Variants in MIGA2 observed in about 807,000 individuals in gnomAD.
MIGA2 encodes mitoguardin 2.
MIGA2 carries 36 observed loss-of-function variants against 69.9 expected under a neutral mutation model. The observed-to-expected ratio is 0.52, with a 90% CI of 0.39 to 0.68. The LOEUF is 0.68. Ranked by LOEUF, MIGA2 falls within the 30% of genes least tolerant of loss-of-function variation. The pLI, the probability that MIGA2 is intolerant of heterozygous loss-of-function variation, is 0.00. For missense variants in MIGA2, 660 were observed against 787.7 expected (o/e 0.84, Z 1.94); for synonymous variants, 333 against 349.2 (o/e 0.95, Z 0.52).
intron 3 of MIGA2, among the ~76,000 whole-genome samples, chr9:129,048,189 G>C (rs1188599422): frequency 6.6e-6 from 1 of 152,172 alleles, no homozygotes; most frequent in Non-Finnish European, 1.5e-5. Flanking sequence ...TCCTCTCCTC[G>C]GCCTGGCCCT....
chr9:129,049,001 C>T (rs17485828), intron 4 of MIGA2, among the ~76,000 whole-genome samples: 6,814 of 152,168 alleles, frequency 0.045, 272 homozygotes, highest in African/African-American at 0.11. Flanking sequence ...GGCTGCCAGC[C>T]ACTCGTGTGG....
Position 129,048,804 on chromosome 9 carries a change from C to A in MIGA2, c.420+265C>A, listed in dbSNP as rs150674083. On this transcript the variant is annotated intron_variant, in intron 4 of 15. Transcript: ENST00000684074. Reference sequence around the variant, plus strand: ...GTGAAAGTGCAGGTTATTCATTCATCAGCCACTGACAAGCACCTGCGTTAT... The same window carrying A: ...GTGAAAGTGCAGGTTATTCATTCATAAGCCACTGACAAGCACCTGCGTTAT... Among the ~76,000 whole-genome samples the A allele has an allele frequency of 6.8e-4, 103 of 152,310 alleles. 1 individual carries two copies. Among genetic ancestry groups the A allele is most frequent in the African/African-American group, 2.3e-3 (97 of 41,568 alleles).
intron 3 of MIGA2, among the ~76,000 whole-genome samples, chr9:129,047,988 C>A (rs913481739): frequency 1.3e-5 from 2 of 152,190 alleles, no homozygotes; most frequent in Non-Finnish European, 2.9e-5. Context: ...ATCTCGGCCT[C>A]CCAAAGTGCT....
chr9:129,070,546 C>A lies in MIGA2; in HGVS notation c.*93C>A, dbSNP rs1846626227. On this transcript the variant is annotated 3_prime_UTR_variant, in exon 16 of 16. Coordinates refer to ENST00000684074, the MANE Select transcript of MIGA2 (RefSeq NM_001329990.2). ...GCTGTGGTGGCTGAGGGCCGTTGCC[C>A]CTGACTTTGCCCCACCCCCATCATC... The A allele has an allele frequency of 7.4e-7, 1 of 1,351,064 alleles. No individual in the cohort carries two copies. The highest frequency in any genetic ancestry group is 2.5e-5 in the East Asian group (1 of 39,558). 83.7% of individuals were successfully genotyped at this position (1,351,064 alleles called of 1,614,324 possible). A position where few individuals can be genotyped will look rare whatever the true frequency, so the allele number is the denominator to read the frequency against.
At chr9:129,066,623 A>C (rs192224863) in intron 11 of MIGA2, among the ~76,000 whole-genome samples, 222 of 131,324 alleles carry the variant, frequency 1.7e-3, no homozygotes, top group Non-Finnish European at 2.1e-3. Context: ...GCAGTGAGCC[A>C]AGATCACGCC....
intron 3 of MIGA2, among the ~76,000 whole-genome samples, chr9:129,047,683 G>A (rs1403127593): frequency 6.6e-6 from 1 of 151,842 alleles, no homozygotes; most frequent in Non-Finnish European, 1.5e-5. Flanking sequence ...AAAGTGCTAG[G>A]ATTACAGACA....
rs1846021588 is a variant in MIGA2, at chr9:129,060,657, CG to C, written c.894+11del. The C allele has an allele frequency of 6.4e-7, 1 of 1,574,302 alleles. No homozygotes were observed. Among genetic ancestry groups the C allele is most frequent in the Admixed American group, 1.8e-5 (1 of 54,636 alleles). ...CTTCTTCTCCGCCACCGAGGTGACT[CG>C]GGGTGGGGACCAAGCCTGGGGTGGG... On this transcript the variant is annotated splice_region_variant and intron_variant, in intron 8 of 15. Coordinates refer to ENST00000684074, the MANE Select transcript of MIGA2 (RefSeq NM_001329990.2). The surrounding 1 kb of genome is among the most constrained non-coding windows in gnomAD (Gnocchi z 4.8).
intron 9 of MIGA2, among the ~76,000 whole-genome samples, chr9:129,062,843 A>G (rs907083355): frequency 2.9e-5 from 4 of 138,850 alleles, no homozygotes; most frequent in Non-Finnish European, 6.2e-5. Context: ...GACTCCGTCT[A>G]AAAAAAAAAA....
At position 129,068,511 on chromosome 9, in the gene MIGA2, T is replaced by G; in HGVS notation, c.1404+179T>G. ...TGGAGAAGCCTCCAGGGTGCCCCGT[T>G]GCTGCCTGGTGCCCCAGTTTAGAAC... On this transcript the variant is annotated intron_variant, in intron 13 of 15. Coordinates refer to ENST00000684074, the MANE Select transcript of MIGA2 (RefSeq NM_001329990.2). This position sits in a 1 kb window ranked among gnomAD's most constrained non-coding sequence, Gnocchi z 4.1. The G allele has an allele frequency of 1.4e-6, 1 of 712,416 alleles. No homozygotes were observed. The highest frequency in any genetic ancestry group is 2.3e-6 in the Non-Finnish European group (1 of 442,060). 44.1% of individuals were successfully genotyped at this position (712,416 alleles called of 1,614,324 possible). A position where few individuals can be genotyped will look rare whatever the true frequency, so the allele number is the denominator to read the frequency against.
rs760802619 is a variant in MIGA2 at position 129,061,173 on chromosome 9, G to A, written c.895-58G>A. 134 of 1,464,278 alleles carry A rather than the reference G, an allele frequency of 9.2e-5. 1 individual carries two copies. The highest frequency in any genetic ancestry group is 1.1e-4 in the Non-Finnish European group (118 of 1,064,088). 90.7% of individuals were successfully genotyped at this position (1,464,278 alleles called of 1,614,324 possible). A position where few individuals can be genotyped will look rare whatever the true frequency, so the allele number is the denominator to read the frequency against. ...CCGACCAATGGGCAGGTGCCCTTGC[G>A]CCGTGGCGTGCTGCTCACATGGGCT... On this transcript the variant is annotated intron_variant, in intron 8 of 15. Coordinates refer to ENST00000684074, the MANE Select transcript of MIGA2 (RefSeq NM_001329990.2). The surrounding 1 kb of genome is among the most constrained non-coding windows in gnomAD (Gnocchi z 5.0).
chr9:129,063,217 GT>G (rs1238673458), intron 9 of MIGA2, 26 bp from the exon 10 acceptor site: 1 of 1,613,490 alleles, frequency 6.2e-7, no homozygotes, highest in Admixed American at 1.7e-5. Context: ...GGACCAGGTT[GT>G]GTGACGCCGT....
At chr9:129,054,922 C>T (rs769906034) in intron 6 of MIGA2, among the ~76,000 whole-genome samples, 35 of 152,148 alleles carry the variant, frequency 2.3e-4, no homozygotes, top group East Asian at 3.8e-4. Context: ...GACGGAGTCT[C>T]GCTCTGTCGC....
At chr9:129,056,129 G>GAA (rs76491749) in intron 6 of MIGA2, among the ~76,000 whole-genome samples, 74 of 77,368 alleles carry the variant, frequency 9.6e-4, no homozygotes, top group Admixed American at 8.1e-4. Flanking sequence ...CCTGTCTCAA[G>GAA]AAAAAAAAAA....
At position 129,059,271 on chromosome 9, in the gene MIGA2, G is replaced by A. The variant is rs768958718; in HGVS notation, c.793G>A (p.Glu265Lys). The A allele has an allele frequency of 2.1e-5, 33 of 1,569,008 alleles. No individual in the cohort carries two copies. The highest frequency in any genetic ancestry group is 2.0e-4 in the South Asian group (17 of 86,308). The change falls in exon 7 of 16, where the codon GAG (glutamate) becomes AAG (lysine). Residue 265 changes from glutamate (E) to lysine (K), a missense_variant and splice_region_variant. Physicochemically the swap from Glu to Lys is moderately conservative, Grantham distance 56. This residue lies in a region of MIGA2 where 386 missense variants were observed against 402.0 expected (regional missense o/e 0.96). Coordinates refer to ENST00000684074, the MANE Select transcript of MIGA2 (RefSeq NM_001329990.2). The surrounding 1 kb of genome is among the most constrained non-coding windows in gnomAD (Gnocchi z 5.6). Reference sequence around the variant, plus strand: ...CGCAGACAGCATGCTGCTAGACCTCGGTGAGCTGGGCCCAGTGCAGGTGGG... The same window carrying A: ...CGCAGACAGCATGCTGCTAGACCTCAGTGAGCTGGGCCCAGTGCAGGTGGG... ...FPADSMLLDLERTLMLPLTEG... is the reference protein window; with the variant it reads ...FPADSMLLDLKRTLMLPLTEG...
intron 6 of MIGA2, among the ~76,000 whole-genome samples, chr9:129,055,603 C>T (rs1845755705): frequency 6.6e-6 from 1 of 152,066 alleles, no homozygotes; most frequent in South Asian, 2.1e-4. Flanking sequence ...GTAATCCCAG[C>T]ACTTTGGGAG....
intron 11 of MIGA2, 138 bp downstream of exon 11, chr9:129,063,769 C>T (rs143326489): frequency 1.0e-5 from 8 of 780,388 alleles, no homozygotes; most frequent in East Asian, 8.1e-5. Flanking sequence ...ACTCTGCAAC[C>T]GTGGATCTTG....
At chr9:129,067,321 C>T (rs1054819820) in intron 11 of MIGA2, among the ~76,000 whole-genome samples, 7 of 152,208 alleles carry the variant, frequency 4.6e-5, no homozygotes, top group Non-Finnish European at 1.0e-4. Context: ...TGCAGCGGCA[C>T]TTTAAACGCT....
rs1845985190 is a variant in MIGA2 at position 129,060,089 on chromosome 9, C to G, written c.794-461C>G. Among the ~76,000 whole-genome samples, 1 of 152,236 alleles carries G rather than the reference C, an allele frequency of 6.6e-6. No individual in the cohort carries two copies. Among genetic ancestry groups the G allele is most frequent in the African/African-American group, 2.4e-5 (1 of 41,462 alleles). On this transcript the variant is annotated intron_variant, in intron 7 of 15. Coordinates refer to ENST00000684074, the MANE Select transcript of MIGA2 (RefSeq NM_001329990.2). This position sits in a 1 kb window ranked among gnomAD's most constrained non-coding sequence, Gnocchi z 4.8. ...ACCCTTGGAGGTCCACACCCCTCAG[C>G]CCTTGGGCGAGCACGGAGGGGAACT... is the stretch of plus-strand genomic sequence containing the variant.
Position 129,069,189 on chromosome 9 carries a change from G to A in MIGA2, c.1458+60G>A, listed in dbSNP as rs1846530855. On this transcript the variant is annotated intron_variant, in intron 14 of 15. Coordinates refer to ENST00000684074, the MANE Select transcript of MIGA2 (RefSeq NM_001329990.2). The surrounding 1 kb of genome is among the most constrained non-coding windows in gnomAD (Gnocchi z 4.9). ...GGGCTCTGAGGCAGCGTGGTGGGGA[G>A]CGGAGCGGGTGCAGGGTGGCTCGCT... 2 of 1,607,780 alleles carry A rather than the reference G, an allele frequency of 1.2e-6. No individual in the cohort carries two copies. Among genetic ancestry groups the A allele is most frequent in the Admixed American group, 1.7e-5 (1 of 60,008 alleles).
Sources: gnomAD v4.1 joint callset for allele counts (sites outside exome capture counted in the v4.1 genomes callset) on GRCh38, gnomAD v4.1.1 for gene constraint, gnomAD v4.1.1 regional missense constraint, Gnocchi (gnomAD v3.1) non-coding constraint, MANE v1.5 for transcripts, NCBI Gene and HGNC (gene_info 2026-07-23, HGNC 2026-07-21) for gene names.